SFMBT2: variants seen among roughly 807,000 people sequenced by gnomAD.
SFMBT2 encodes scm-like with four MBT domains protein 2.
Under a neutral mutation model 110.1 loss-of-function variants are expected in SFMBT2, and 38 were observed. The ratio of observed to expected loss-of-function variants is 0.35; its 90% CI spans 0.27 to 0.45. SFMBT2 has a LOEUF of 0.45. Among genes scored for constraint, SFMBT2 ranks in the 20% least tolerant of loss-of-function variants. SFMBT2 has a pLI of 1.00. For synonymous variants in SFMBT2, 425 were observed against 425.4 expected, an observed-to-expected ratio of 1.00 and a Z score of 0.01; for missense variants, 1,011 against 1,094.9, an observed-to-expected ratio of 0.92 and a Z score of 1.08.
intron 7 of SFMBT2, among the ~76,000 whole-genome samples, chr10:7,256,866 G>GA (rs1314441316): frequency 5.9e-5 from 9 of 152,106 alleles, no homozygotes; most frequent in African/African-American, 1.9e-4. Context: ...AATTTACTTA[G>GA]AAAATCACTG....
Position 7,399,294 on chromosome 10 carries a change from G to A in SFMBT2, c.-52+11567C>T, listed in dbSNP as rs188764277. Among the ~76,000 whole-genome samples the A allele has an allele frequency of 6.2e-4, 94 of 152,158 alleles. 1 individual carries two copies. Among genetic ancestry groups the A allele is most frequent in the African/African-American group, 2.1e-3 (86 of 41,510 alleles). ...GTCACCCAGGCTGGAGTGCAGTGGC[G>A]TGATCTTGGTTCACTGCAACCTCTG... On this transcript the variant is annotated intron_variant, in intron 1 of 20. Coordinates refer to ENST00000397167, the MANE Select transcript of SFMBT2 (RefSeq NM_001387889.1).
chr10:7,178,188 A>C (rs1434925828), intron 16 of SFMBT2, among the ~76,000 whole-genome samples: 2 of 151,860 alleles, frequency 1.3e-5, no homozygotes, highest in East Asian at 3.9e-4. Context: ...CACCACCCAC[A>C]CAGCAGCTTC....
intron 1 of SFMBT2, among the ~76,000 whole-genome samples, chr10:7,407,921 C>T (rs958791981): frequency 6.6e-6 from 1 of 152,242 alleles, no homozygotes; most frequent in African/African-American, 2.4e-5. Context: ...GCCCCGAGCC[C>T]CTAGGTGCCA....
intron 8 of SFMBT2, among the ~76,000 whole-genome samples, chr10:7,247,813 G>T (rs941153104): frequency 3.3e-5 from 5 of 152,192 alleles, no homozygotes; most frequent in Admixed American, 3.3e-4. Flanking sequence ...AAGCAATTTT[G>T]ATTTTACCAG....
intron 9 of SFMBT2, among the ~76,000 whole-genome samples, chr10:7,238,388 A>G (rs1206516666): frequency 6.6e-6 from 1 of 152,206 alleles, no homozygotes; most frequent in Non-Finnish European, 1.5e-5. Flanking sequence ...GTTGAAAAAC[A>G]CGAATCAAAC....
intron 4 of SFMBT2, among the ~76,000 whole-genome samples, chr10:7,362,655 A>G (rs1250746939): frequency 6.6e-6 from 1 of 152,226 alleles, no homozygotes; most frequent in East Asian, 1.9e-4. Context: ...TGTTATCCAC[A>G]ACCAACTGAC....
At chr10:7,335,585 A>ACACACC (rs1843696855) in intron 4 of SFMBT2, among the ~76,000 whole-genome samples, 1 of 133,502 alleles carries the variant, frequency 7.5e-6, no homozygotes, top group African/African-American at 3.1e-5. Context: ...AAACAGAAAC[A>ACACACC]CACACACACA....
At chr10:7,271,508 T>C (rs1841582566) in intron 7 of SFMBT2, among the ~76,000 whole-genome samples, 1 of 152,078 alleles carries the variant, frequency 6.6e-6, no homozygotes, top group Non-Finnish European at 1.5e-5. Flanking sequence ...TGATTAAGCA[T>C]AACTGTGACA....
intron 2 of SFMBT2, among the ~76,000 whole-genome samples, chr10:7,376,893 C>T (rs766204992): frequency 6.7e-6 from 1 of 148,262 alleles, no homozygotes; most frequent in Non-Finnish European, 1.5e-5. Context: ...AACACCCGGC[C>T]GAGTGTGGTG....
intron 20 of SFMBT2, among the ~76,000 whole-genome samples, chr10:7,169,789 T>C (rs1295305448): frequency 2.0e-5 from 3 of 152,116 alleles, no homozygotes; most frequent in Admixed American, 2.0e-4. Flanking sequence ...ATAATGTAAA[T>C]AAAAACCCTC....
At chr10:7,341,407 C>T (rs924643894) in intron 4 of SFMBT2, among the ~76,000 whole-genome samples, 21 of 152,176 alleles carry the variant, frequency 1.4e-4, no homozygotes, top group Non-Finnish European at 1.9e-4. Context: ...GCAAATTTTC[C>T]GTTCCCAAGA....
chr10:7,358,803 C>T (rs970172008), intron 4 of SFMBT2, among the ~76,000 whole-genome samples: 3 of 151,352 alleles, frequency 2.0e-5, no homozygotes, highest in African/African-American at 4.9e-5. Context: ...GCATGGTGGC[C>T]CTGGAATGGA....
chr10:7,254,367 C>A (rs553985929), intron 7 of SFMBT2, among the ~76,000 whole-genome samples: 1 of 152,196 alleles, frequency 6.6e-6, no homozygotes, highest in South Asian at 2.1e-4. Context: ...AAAAGAGAGG[C>A]AAGAACAGCT....
intron 1 of SFMBT2, among the ~76,000 whole-genome samples, chr10:7,400,232 G>T (rs968471373): frequency 6.6e-6 from 1 of 152,230 alleles, no homozygotes; most frequent in Non-Finnish European, 1.5e-5. Context: ...GCGGTAGAGG[G>T]AGGAAGAGGG....
intron 11 of SFMBT2, among the ~76,000 whole-genome samples, chr10:7,213,401 G>C (rs1191170916): frequency 6.6e-6 from 1 of 152,154 alleles, no homozygotes; most frequent in Non-Finnish European, 1.5e-5. Flanking sequence ...AGGAGGGCCT[G>C]AGTGCAATGT....
At chr10:7,268,786 C>T (rs1841477847) in intron 7 of SFMBT2, among the ~76,000 whole-genome samples, 1 of 152,200 alleles carries the variant, frequency 6.6e-6, no homozygotes, top group Admixed American at 6.5e-5. Context: ...GCTGCGATTA[C>T]AGGCATAAGC....
rs1479414378 is a variant in SFMBT2, at chr10:7,163,759, C to T, written c.*11G>A. 8 of 1,612,662 alleles carry T rather than the reference C, an allele frequency of 5.0e-6. No homozygotes were observed. The highest frequency in any genetic ancestry group is 3.3e-5 in the Admixed American group (2 of 59,886). On this transcript the variant is annotated 3_prime_UTR_variant, in exon 21 of 21. Coordinates refer to ENST00000397167, the MANE Select transcript of SFMBT2 (RefSeq NM_001387889.1). This position sits in a 1 kb window ranked among gnomAD's most constrained non-coding sequence, Gnocchi z 4.8. ...ATCCCAGCAATAATGGGCCACCTCC[C>T]GAGGGCAGACTCAGTTGGCGTACTG...
At chr10:7,228,722 T>C (rs1564395198) in intron 9 of SFMBT2, among the ~76,000 whole-genome samples, 1 of 123,732 alleles carries the variant, frequency 8.1e-6, no homozygotes, top group Non-Finnish European at 1.6e-5. Flanking sequence ...TTTCTTTCTT[T>C]CTTTCTTTCT....
chr10:7,191,271 T>TG lies in SFMBT2; in HGVS notation c.1699-2539dup, dbSNP rs1235127355. 4.1e-4 allele frequency among the ~76,000 whole-genome samples: 63 copies of TG among 152,184 alleles called. 1 individual carries two copies. The highest frequency in any genetic ancestry group is 4.1e-3 in the Admixed American group (63 of 15,278). On this transcript the variant is annotated intron_variant, in intron 15 of 20. Transcript: ENST00000397167. ...CAGTCCTCTCTGGAACCCAATCCAA[T>TG]GGGGCTTTTCTGTGTCCACAATGTC...
Sources: gnomAD v4.1 joint callset for allele counts (sites outside exome capture counted in the v4.1 genomes callset) on GRCh38, gnomAD v4.1.1 for gene constraint, Gnocchi (gnomAD v3.1) non-coding constraint, MANE v1.5 for transcripts, NCBI Gene and HGNC (gene_info 2026-07-23, HGNC 2026-07-21) for gene names.